Variants in THADA observed in about 807,000 individuals in gnomAD.
THADA encodes the protein THADA armadillo repeat containing.
THADA carries 213 observed loss-of-function variants against 219.8 expected under a neutral mutation model. That is an observed-to-expected ratio of 0.97 (90% CI 0.87 to 1.09). THADA has a LOEUF of 1.09. Among genes scored for constraint, THADA ranks in the 50% least tolerant of loss-of-function variants. The pLI, the probability that THADA is intolerant of heterozygous loss-of-function variation, is 0.00. For synonymous variants in THADA, 1,018 were observed against 828.9 expected (o/e 1.23, Z -3.92); for missense variants, 2,956 against 2,311.3 (o/e 1.28, Z -5.72).
At chr2:43,261,210 GCATTT>G (rs1334152907) in intron 36 of THADA, among the ~76,000 whole-genome samples, 3 of 136,380 alleles carry the variant, frequency 2.2e-5, no homozygotes, top group African/African-American at 8.7e-5. Flanking sequence ...ATAAATTTGT[GCATTT>G]CTTTTTTTTT....
chr2:43,523,526 T>C (rs1279953820), intron 22 of THADA, among the ~76,000 whole-genome samples: 1 of 152,180 alleles, frequency 6.6e-6, no homozygotes, highest in Non-Finnish European at 1.5e-5. Context: ...TCCAGAAAGG[T>C]AGAAGAAATT....
intron 23 of THADA, among the ~76,000 whole-genome samples, chr2:43,507,939 C>G (rs1261305670): frequency 6.6e-6 from 1 of 152,154 alleles, no homozygotes; most frequent in South Asian, 2.1e-4. Context: ...AAAGAGCAAG[C>G]AGTGTGTATG....
chr2:43,540,560 T>C (rs1289461221), intron 21 of THADA, among the ~76,000 whole-genome samples: 1 of 152,186 alleles, frequency 6.6e-6, no homozygotes, highest in Non-Finnish European at 1.5e-5. Flanking sequence ...CAAAACCATA[T>C]GGAAAGGAAG....
At chr2:43,275,153 C>T (rs1051065478) in intron 36 of THADA, among the ~76,000 whole-genome samples, 1 of 151,942 alleles carries the variant, frequency 6.6e-6, no homozygotes, top group Non-Finnish European at 1.5e-5. Flanking sequence ...TACAGATGTG[C>T]ACCACTATGC....
rs531990211 is a variant in THADA, at chr2:43,505,625, G to A, written c.3618C>T (p.Pro1206=). The A allele has an allele frequency of 1.8e-5, 29 of 1,580,322 alleles. No individual in the cohort carries two copies. The highest frequency in any genetic ancestry group is 1.7e-6 in the Non-Finnish European group (2 of 1,158,680). Residue 1206 remains proline, a synonymous_variant, in exon 24 of 38, where the codon CCC becomes CCT. Transcript: ENST00000405975. The part of the protein sequence containing the change: ...GPTDDIQSTV[P]QVHALNILRA... Reference sequence around the variant, plus strand: ...GTTTGTGTATTTCCATGATTACCTGGGGGACTGTACTCTGTATGTCATCTG... The same window carrying A: ...GTTTGTGTATTTCCATGATTACCTGAGGGACTGTACTCTGTATGTCATCTG...
At chr2:43,366,347 T>C (rs548090117) in intron 29 of THADA, among the ~76,000 whole-genome samples, 8 of 151,822 alleles carry the variant, frequency 5.3e-5, no homozygotes, top group Admixed American at 2.0e-4. Context: ...TAAGGTGGAG[T>C]GAAGAAGAAA....
Position 43,293,156 on chromosome 2 carries a change from A to AC in THADA, c.4495_4496insG (p.Leu1499ArgfsTer57). On this transcript the variant is annotated frameshift_variant, in exon 32 of 38. Coordinates refer to ENST00000405975, the MANE Select transcript of THADA (RefSeq NM_022065.5). LOFTEE classifies it high-confidence loss of function. Reference sequence around the variant, plus strand: ...GAAGGCCCAAGGGAATCCCGTTATCAGCTCTGATCCTGAGATAATCCCTCT... The same window carrying AC: ...GAAGGCCCAAGGGAATCCCGTTATCACGCTCTGATCCTGAGATAATCCCTCT... 6.2e-7 allele frequency: 1 copy of AC among 1,614,014 alleles called. No homozygotes were observed. Among genetic ancestry groups the AC allele is most frequent in the Non-Finnish European group, 8.5e-7 (1 of 1,179,892 alleles).
intron 36 of THADA, among the ~76,000 whole-genome samples, chr2:43,278,785 C>G (rs1014455376): frequency 6.6e-6 from 1 of 152,190 alleles, no homozygotes; most frequent in Non-Finnish European, 1.5e-5. Flanking sequence ...ATCCTGTGTC[C>G]TGCCTTGGCA....
At chr2:43,330,631 G>A (rs181638161) in intron 30 of THADA, among the ~76,000 whole-genome samples, 48 of 152,272 alleles carry the variant, frequency 3.2e-4, no homozygotes, top group African/African-American at 9.4e-4. Flanking sequence ...TGTGTGACCC[G>A]GGAGAACAAA....
At chr2:43,590,797 C>T in intron 4 of THADA, 27 bp downstream of exon 4, 2 of 1,604,832 alleles carry the variant, frequency 1.2e-6, no homozygotes, top group Non-Finnish European at 1.7e-6. Flanking sequence ...ATTTATAACA[C>T]CCAACTTCCC....
intron 15 of THADA, chr2:43,564,928 G>A (rs989680107): frequency 2.6e-5 from 4 of 152,090 alleles, no homozygotes; most frequent in Admixed American, 6.5e-5. Flanking sequence ...ATAACAAAAC[G>A]CAATGCGTGA....
intron 28 of THADA, among the ~76,000 whole-genome samples, chr2:43,426,039 T>C (rs1678382375): frequency 2.0e-5 from 3 of 152,230 alleles, no homozygotes; most frequent in African/African-American, 7.2e-5. Flanking sequence ...GCATTTTCTT[T>C]CACTGGAAGA....
rs371989790 is a variant in THADA, at chr2:43,586,692, T to A, written c.484+10A>T. On this transcript the variant is annotated intron_variant, in intron 6 of 37. Coordinates refer to ENST00000405975, the MANE Select transcript of THADA (RefSeq NM_022065.5). ...CAACTCATGGAACAAAATAAAATAATAGGACTTACCATTTTTAAGCAGATT... is the reference window on the plus strand; with the variant it reads ...CAACTCATGGAACAAAATAAAATAAAAGGACTTACCATTTTTAAGCAGATT... 6.2e-7 allele frequency: 1 copy of A among 1,609,122 alleles called. No individual in the cohort carries two copies. The highest frequency in any genetic ancestry group is 8.5e-7 in the Non-Finnish European group (1 of 1,178,706).
chr2:43,549,477 G>T, intron 19 of THADA, 109 bp from the exon 20 acceptor site: 2 of 1,124,942 alleles, frequency 1.8e-6, no homozygotes, highest in Non-Finnish European at 2.5e-6. Flanking sequence ...TTAATAATCA[G>T]CTTTATTAGA....
At position 43,556,397 on chromosome 2, in the gene THADA, T is replaced by C. The variant is rs755409781; in HGVS notation, c.2622A>G (p.Ala874=). The change falls in exon 17 of 38, where the codon GCA becomes GCG. Residue 874 remains alanine (A), a synonymous_variant. Transcript: ENST00000405975. The part of the protein sequence containing the change: ...SLSAYLTQQV[A]CDNGDRPAAV... ...CAGCAGGCCTATCTCCATTATCACATGCAACTTGCTGAGTTAAGTAGGCAG... is the reference window on the plus strand; with the variant it reads ...CAGCAGGCCTATCTCCATTATCACACGCAACTTGCTGAGTTAAGTAGGCAG... The C allele has an allele frequency of 1.2e-6, 2 of 1,613,866 alleles. No homozygotes were observed. Among genetic ancestry groups the C allele is most frequent in the Non-Finnish European group, 8.5e-7 (1 of 1,179,824 alleles).
Position 43,571,727 on chromosome 2 carries a change from T to C in THADA, c.2044A>G (p.Ile682Val). The change falls in exon 13 of 38, where the codon ATC becomes GTC. Residue 682 changes from isoleucine to valine, a missense_variant. By Grantham distance (29) the Ile-to-Val change is conservative. Transcript: ENST00000405975. ...TCTACCTTTTTAAGAAGAGAACAGA[T>C]CTGTTGCCGCACTCCTGGAGACTGG... ...NSQSPGVRQQ[I>V]CSLLKKLFCR... The C allele has an allele frequency of 6.2e-7, 1 of 1,613,712 alleles. No individual in the cohort carries two copies. The highest frequency in any genetic ancestry group is 8.5e-7 in the Non-Finnish European group (1 of 1,179,766).
intron 26 of THADA, among the ~76,000 whole-genome samples, chr2:43,483,900 A>G (rs1686554725): frequency 6.6e-6 from 1 of 152,066 alleles, no homozygotes; most frequent in South Asian, 2.1e-4. Context: ...TCAAGGCCTT[A>G]TAACATGACC....
rs563389741 is a variant in THADA, at chr2:43,594,516, A to G, written c.-25+1415T>C. On this transcript the variant is annotated intron_variant, in intron 1 of 37. Transcript: ENST00000405975. ...GGAGAATGGCTTGAACCCAGGAGGC[A>G]GAGGTTGCAGTGAGCCGAGATCGTG... is the stretch of plus-strand genomic sequence containing the variant. Among the ~76,000 whole-genome samples the G allele has an allele frequency of 5.3e-5, 8 of 152,216 alleles. No homozygotes were observed. The South Asian group carries it at 1.0e-3, about 20-fold the overall frequency.
intron 36 of THADA, among the ~76,000 whole-genome samples, chr2:43,261,293 G>A (rs1400248157): frequency 2.2e-5 from 3 of 138,394 alleles, no homozygotes; most frequent in South Asian, 2.2e-4. Flanking sequence ...GTCCAATCTC[G>A]GCTCACTGCA....
Sources: gnomAD v4.1 joint callset for allele counts (sites outside exome capture counted in the v4.1 genomes callset) on GRCh38, gnomAD v4.1.1 for gene constraint, MANE v1.5 for transcripts, NCBI Gene and HGNC (gene_info 2026-07-23, HGNC 2026-07-21) for gene names.